UBL3: variants seen among roughly 807,000 people sequenced by gnomAD.
UBL3 encodes the protein ubiquitin like 3, also known as ubiquitin-like protein 3.
UBL3 carries 6 observed loss-of-function variants against 18.4 expected under a neutral mutation model. That is an observed-to-expected ratio of 0.33 (90% CI 0.18 to 0.64). UBL3 has a LOEUF of 0.64. Among genes scored for constraint, UBL3 ranks in the 30% least tolerant of loss-of-function variants. UBL3 has a pLI of 0.76. For synonymous variants in UBL3, 49 were observed against 46.6 expected (o/e 1.05, Z -0.21); for missense variants, 109 against 142.9 (o/e 0.76, Z 1.21).
At chr13:29,801,307 C>T (rs1877758834) in intron 1 of UBL3, among the ~76,000 whole-genome samples, 1 of 152,192 alleles carries the variant, frequency 6.6e-6, no homozygotes, top group Non-Finnish European at 1.5e-5. Context: ...CTAAGCATTC[C>T]CACTGCTAGT....
intron 1 of UBL3, among the ~76,000 whole-genome samples, chr13:29,792,227 T>G (rs1877498852): frequency 6.6e-6 from 1 of 152,186 alleles, no homozygotes; most frequent in Non-Finnish European, 1.5e-5. Flanking sequence ...AACTGGACAC[T>G]TCGTGTATAA....
Position 29,849,498 on chromosome 13 carries a change from T to TA in UBL3, c.27+13dup. On this transcript the variant is annotated intron_variant, in intron 1 of 4. Coordinates refer to ENST00000380680, the MANE Select transcript of UBL3 (RefSeq NM_007106.4). ...CCACAATTAAATCAGTGTCATAACT[T>TA]ATCCGTCACTTACCATATCCGCCGG... 2 of 1,614,106 alleles carry TA rather than the reference T, an allele frequency of 1.2e-6. No individual in the cohort carries two copies. The highest frequency in any genetic ancestry group is 1.7e-6 in the Non-Finnish European group (2 of 1,180,032).
chr13:29,771,898 G>A (rs1876849955), intron 3 of UBL3, among the ~76,000 whole-genome samples: 1 of 152,008 alleles, frequency 6.6e-6, no homozygotes, highest in African/African-American at 2.4e-5. Context: ...CTGGGATAGA[G>A]TTTATTTCAC....
At chr13:29,810,532 G>A (rs1450882001) in intron 1 of UBL3, among the ~76,000 whole-genome samples, 1 of 152,114 alleles carries the variant, frequency 6.6e-6, no homozygotes, top group South Asian at 2.1e-4. Context: ...ACTGTTTTAA[G>A]TGCTGCTGAG....
At chr13:29,789,331 G>A (rs1420875960) in intron 1 of UBL3, among the ~76,000 whole-genome samples, 1 of 152,152 alleles carries the variant, frequency 6.6e-6, no homozygotes, top group Non-Finnish European at 1.5e-5. Context: ...AAATGGTTAA[G>A]ATGGTACACT....
intron 1 of UBL3, among the ~76,000 whole-genome samples, chr13:29,788,120 G>A (rs1206644880): frequency 6.6e-6 from 1 of 152,096 alleles, no homozygotes; most frequent in East Asian, 1.9e-4. Flanking sequence ...CTACTATATA[G>A]TACTTTCTCT....
intron 1 of UBL3, among the ~76,000 whole-genome samples, chr13:29,826,509 T>C (rs1186125213): frequency 6.6e-6 from 1 of 152,220 alleles, no homozygotes; most frequent in Non-Finnish European, 1.5e-5. Context: ...TATTCTCTGA[T>C]GGTAGTTTGT....
intron 1 of UBL3, among the ~76,000 whole-genome samples, chr13:29,782,895 C>T (rs1189800130): frequency 6.6e-6 from 1 of 152,228 alleles, no homozygotes; most frequent in African/African-American, 2.4e-5. Flanking sequence ...CACTGCACTG[C>T]TGAGTAAAGT....
chr13:29,849,542 G>C lies in UBL3; in HGVS notation c.-4C>G, dbSNP rs766285270. 7 of 1,613,914 alleles carry C rather than the reference G, an allele frequency of 4.3e-6. No individual in the cohort carries two copies. In the Admixed American group the frequency reaches 6.7e-5, roughly 15 times the overall value. On this transcript the variant is annotated 5_prime_UTR_variant, in exon 1 of 5. Transcript: ENST00000380680. Reference sequence around the variant, plus strand: ...CCGCCGGGACATTACTGGACATCTTGCCGTTTGATATACACCCAGATGTTT... The same window carrying C: ...CCGCCGGGACATTACTGGACATCTTCCCGTTTGATATACACCCAGATGTTT...
chr13:29,780,353 C>CAAAAA (rs71746248), intron 1 of UBL3, among the ~76,000 whole-genome samples: 196 of 8,392 alleles, frequency 0.023, 13 homozygotes, highest in East Asian at 0.084. Context: ...GACTCTGTCT[C>CAAAAA]AAAAAAAAAA....
chr13:29,804,939 T>C (rs1877863799), intron 1 of UBL3, among the ~76,000 whole-genome samples: 1 of 152,198 alleles, frequency 6.6e-6, no homozygotes, highest in Non-Finnish European at 1.5e-5. Flanking sequence ...GATCTGAACA[T>C]ACACAACACA....
intron 1 of UBL3, among the ~76,000 whole-genome samples, chr13:29,828,832 G>T (rs907433907): frequency 6.6e-6 from 1 of 152,118 alleles, no homozygotes; most frequent in Non-Finnish European, 1.5e-5. Context: ...TTTGACGATG[G>T]TGACGTACAG....
At chr13:29,776,261 CTTTTT>C (rs5741722) in intron 2 of UBL3, among the ~76,000 whole-genome samples, 14 of 91,690 alleles carry the variant, frequency 1.5e-4, no homozygotes, top group East Asian at 3.1e-4. Flanking sequence ...TCTTTTCTTT[CTTTTT>C]TTTTTTTTTT....
chr13:29,771,985 A>C, intron 3 of UBL3, 127 bp downstream of exon 3: 1 of 805,406 alleles, frequency 1.2e-6, no homozygotes, highest in South Asian at 1.8e-5. Context: ...GCATACCAGA[A>C]ATAGGCAGAA....
intron 1 of UBL3, among the ~76,000 whole-genome samples, chr13:29,818,410 G>GA (rs2139346989): frequency 6.6e-6 from 1 of 152,204 alleles, no homozygotes; most frequent in East Asian, 1.9e-4. Context: ...AAAGGAAAAA[G>GA]AAAACTGTTT....
intron 1 of UBL3, among the ~76,000 whole-genome samples, chr13:29,788,517 A>G (rs1877383819): frequency 6.6e-6 from 1 of 152,152 alleles, no homozygotes; most frequent in Non-Finnish European, 1.5e-5. Flanking sequence ...GCATACTTCG[A>G]TGCCACCCCA....
chr13:29,835,154 A>T (rs1389130261), intron 1 of UBL3, among the ~76,000 whole-genome samples: 1 of 46,852 alleles, frequency 2.1e-5, no homozygotes. Context: ...ATATATATAT[A>T]TATATATATA....
rs73446262 is a variant in UBL3, at chr13:29,784,154, T to C, written c.28-6891A>G. ...TTTCTATTTGTTAGATAGTATCAAT[T>C]TGGGGAAATTACATATAGAACTTAG... is the stretch of plus-strand genomic sequence containing the variant. On this transcript the variant is annotated intron_variant, in intron 1 of 4. Coordinates refer to ENST00000380680, the MANE Select transcript of UBL3 (RefSeq NM_007106.4). 5.0e-3 allele frequency among the ~76,000 whole-genome samples: 757 copies of C among 152,292 alleles called. 7 individuals carry two copies. The highest frequency in any genetic ancestry group is 0.017 in the African/African-American group (713 of 41,570).
chr13:29,778,906 A>T (rs1877072102), intron 1 of UBL3, among the ~76,000 whole-genome samples: 1 of 152,224 alleles, frequency 6.6e-6, no homozygotes, highest in African/African-American at 2.4e-5. Context: ...TACATATTTC[A>T]ATTAAAAGTT....
Sources: allele counts gnomAD v4.1 joint callset (sites outside exome capture counted in the v4.1 genomes callset), GRCh38; gene constraint gnomAD v4.1.1; transcripts MANE v1.5; gene names NCBI Gene and HGNC (gene_info 2026-07-23, HGNC 2026-07-21).